The following DMD variants were observed in gnomAD, a reference collection of about 807,000 sequenced individuals.
DMD encodes the protein mutant dystrophin.
Under a neutral mutation model 330.1 loss-of-function variants are expected in DMD, and 63 were observed. That is an observed-to-expected ratio of 0.19 (90% CI 0.16 to 0.24). DMD has a LOEUF of 0.24. DMD is among the 10% of genes least tolerant of loss of function. DMD has a pLI of 1.00. For synonymous variants in DMD, 1,223 were observed against 959.8 expected, an observed-to-expected ratio of 1.27 and a Z score of -5.07; for missense variants, 3,344 against 2,684.1, an observed-to-expected ratio of 1.25 and a Z score of -5.43.
chrX:32,377,263 G>T (rs2097907007), intron 34 of DMD, among the ~76,000 whole-genome samples: 1 of 111,534 alleles, frequency 9.0e-6, no homozygotes, highest in Non-Finnish European at 1.9e-5. Flanking sequence ...CCTTTTAAAT[G>T]CCATCATCAA....
intron 33 of DMD, among the ~76,000 whole-genome samples, chrX:32,381,242 C>T (rs1278331485): frequency 9.0e-6 from 1 of 111,359 alleles, no homozygotes; most frequent in Non-Finnish European, 1.9e-5. Flanking sequence ...AGGTCACTTC[C>T]TCCTTAAACA....
intron 55 of DMD, among the ~76,000 whole-genome samples, chrX:31,538,893 T>C (rs1239153370): frequency 1.8e-5 from 2 of 111,009 alleles, no homozygotes; most frequent in Non-Finnish European, 3.8e-5. Flanking sequence ...ATGAGTTGTA[T>C]GTTTCACAAT....
chrX:32,188,303 A>G (rs2096956640), intron 44 of DMD, among the ~76,000 whole-genome samples: 2 of 108,599 alleles, frequency 1.8e-5, no homozygotes, highest in South Asian at 8.0e-4. Flanking sequence ...GCTTTAAACT[A>G]TCAGTTAATT....
chrX:32,631,724 C>A (rs761499801), intron 11 of DMD, among the ~76,000 whole-genome samples: 1 of 111,126 alleles, frequency 9.0e-6, no homozygotes, highest in East Asian at 2.9e-4. Context: ...CCAACTGGAT[C>A]TGACAAGAAT....
intron 63 of DMD, among the ~76,000 whole-genome samples, chrX:31,248,339 C>T: frequency 8.9e-6 from 1 of 111,923 alleles, no homozygotes; most frequent in Non-Finnish European, 1.9e-5. Context: ...TCTTGAGAGT[C>T]ATGAGCATAA....
intron 4 of DMD, among the ~76,000 whole-genome samples, chrX:32,842,949 G>A (rs748718515): frequency 1.8e-5 from 2 of 111,259 alleles, no homozygotes; most frequent in East Asian, 2.8e-4. Flanking sequence ...TGGGATTACA[G>A]GCATGCACCA....
In DMD at chrX:33,058,006, G is replaced by T. The variant is rs182352049; in HGVS notation, c.32-37806C>A. ...CGATTCTCCTGCCTTAGCCTCCTGA[G>T]TAGCTGGGATTACAGGCGCCTGCCA... On this transcript the variant is annotated intron_variant, in intron 1 of 78. Coordinates refer to ENST00000357033, the MANE Select transcript of DMD (RefSeq NM_004006.3). Among the ~76,000 whole-genome samples the T allele has an allele frequency of 7.5e-3, 829 of 110,936 alleles. 6 individuals carry two copies. The highest frequency in any genetic ancestry group is 0.023 in the Middle Eastern group (5 of 215).
chrX:32,923,214 G>A (rs1295626934), intron 2 of DMD, among the ~76,000 whole-genome samples: 1 of 111,124 alleles, frequency 9.0e-6, no homozygotes, highest in Non-Finnish European at 1.9e-5. Context: ...ATCAAAATAT[G>A]AAATGTAATT....
At chrX:31,519,763 G>C (rs1330734112) in intron 55 of DMD, among the ~76,000 whole-genome samples, 1 of 111,726 alleles carries the variant, frequency 9.0e-6, no homozygotes, top group Non-Finnish European at 1.9e-5. Flanking sequence ...CTATTTCTAG[G>C]TATTCATAAG....
chrX:32,708,613 A>T (rs1207128015), intron 7 of DMD, among the ~76,000 whole-genome samples: 1 of 111,901 alleles, frequency 8.9e-6, no homozygotes, highest in Non-Finnish European at 1.9e-5. Context: ...GCCTTCATTA[A>T]GTATTTGTGG....
chrX:33,034,807 C>A (rs1198057457), intron 1 of DMD, among the ~76,000 whole-genome samples: 2 of 111,959 alleles, frequency 1.8e-5, no homozygotes, highest in African/African-American at 6.5e-5. Flanking sequence ...CATAACTTTT[C>A]TTTCCTTTAG....
intron 1 of DMD, among the ~76,000 whole-genome samples, chrX:33,216,997 A>T (rs1239103316): frequency 8.9e-6 from 1 of 111,775 alleles, no homozygotes; most frequent in African/African-American, 3.2e-5. Flanking sequence ...AAGCATTATG[A>T]TTAATGCAGC....
chrX:32,281,177 G>A (rs2097419521), intron 43 of DMD, among the ~76,000 whole-genome samples: 1 of 111,842 alleles, frequency 8.9e-6, no homozygotes, highest in South Asian at 3.7e-4. Flanking sequence ...GCATCCTAAT[G>A]ACCTGTGGAA....
intron 7 of DMD, among the ~76,000 whole-genome samples, chrX:32,792,431 A>G (rs1385124251): frequency 2.7e-5 from 3 of 112,292 alleles, no homozygotes; most frequent in Non-Finnish European, 1.9e-5. Flanking sequence ...AAACAACCAT[A>G]AATCAATAAA....
At chrX:32,426,423 G>A (rs766174852) in intron 29 of DMD, among the ~76,000 whole-genome samples, 13 of 111,602 alleles carry the variant, frequency 1.2e-4, no homozygotes, top group Admixed American at 1.1e-3. Context: ...TTAAAACCAC[G>A]ATAAGATGCC....
intron 1 of DMD, among the ~76,000 whole-genome samples, chrX:33,226,367 T>C (rs756503748): frequency 3.4e-4 from 38 of 111,830 alleles, no homozygotes; most frequent in Non-Finnish European, 5.5e-4. Flanking sequence ...ATTCATACCA[T>C]GGAATACTAC....
intron 41 of DMD, among the ~76,000 whole-genome samples, chrX:32,333,680 A>G (rs1337097159): frequency 9.0e-6 from 1 of 111,403 alleles, no homozygotes; most frequent in Non-Finnish European, 1.9e-5. Flanking sequence ...ACTACAGATA[A>G]TGCCTCTTCT....
intron 47 of DMD, among the ~76,000 whole-genome samples, chrX:31,889,647 T>TCACACACACACA (rs773894352): frequency 2.7e-4 from 19 of 71,615 alleles, no homozygotes; most frequent in African/African-American, 1.1e-3. Context: ...TCTCTCTCTC[T>TCACACACACACA]CACACACACA....
intron 60 of DMD, among the ~76,000 whole-genome samples, chrX:31,415,147 G>A (rs182354504): frequency 1.3e-4 from 15 of 112,291 alleles, no homozygotes; most frequent in Non-Finnish European, 2.8e-4. Context: ...GACAATCCCA[G>A]CTTCATTCTA....
Sources: allele counts gnomAD v4.1 joint callset (sites outside exome capture counted in the v4.1 genomes callset), GRCh38; gene constraint gnomAD v4.1.1; transcripts MANE v1.5; gene names NCBI Gene and HGNC (gene_info 2026-07-23, HGNC 2026-07-21).